HPCAL1: variants seen among roughly 807,000 people sequenced by gnomAD.
The protein encoded by HPCAL1 is hippocalcin like 1.
A neutral mutation model predicts 17.1 loss-of-function variants in HPCAL1; 8 were observed. The ratio of observed to expected loss-of-function variants is 0.47; its 90% confidence interval spans 0.27 to 0.84. The LOEUF is 0.84. Ranked by LOEUF, HPCAL1 falls within the 40% of genes least tolerant of loss-of-function variation. The pLI, the probability that HPCAL1 is intolerant of heterozygous loss-of-function variation, is 0.13. For missense variants in HPCAL1, 165 were observed against 271.1 expected (o/e 0.61, Z 2.75); for synonymous variants, 112 against 111.4 (o/e 1.01, Z -0.03).
chr2:10,368,195 G>A (rs572960124), intron 1 of HPCAL1, among the ~76,000 whole-genome samples: 2 of 151,810 alleles, frequency 1.3e-5, no homozygotes, highest in Non-Finnish European at 2.9e-5. Flanking sequence ...GCATGTGTGT[G>A]CATACGTGTG....
At chr2:10,404,636 G>A (rs1669863642) in intron 2 of HPCAL1, among the ~76,000 whole-genome samples, 1 of 152,142 alleles carries the variant, frequency 6.6e-6, no homozygotes, top group African/African-American at 2.4e-5. Context: ...CAGATCCCGG[G>A]CTCCTTTGCT....
Position 10,427,143 on chromosome 2 carries a change from C to T in HPCAL1, c.*322C>T, listed in dbSNP as rs1671468797. Reference sequence around the variant, plus strand: ...CCATGCCGAGGAGACCAGGCAGGACCTCCCGAGGCTGCGCCCCGGCCGGCC... The same window carrying T: ...CCATGCCGAGGAGACCAGGCAGGACTTCCCGAGGCTGCGCCCCGGCCGGCC... On this transcript the variant is annotated 3_prime_UTR_variant, in exon 5 of 5. Coordinates refer to ENST00000307845, the MANE Select transcript of HPCAL1 (RefSeq NM_002149.4). The T allele has an allele frequency of 3.3e-6, 1 of 300,284 alleles. No homozygotes were observed. The highest frequency in any genetic ancestry group is 2.2e-5 in the African/African-American group (1 of 46,304). 18.6% of individuals were successfully genotyped at this position (300,284 alleles called of 1,614,324 possible).
At chr2:10,313,897 C>G (rs1408207261) in intron 1 of HPCAL1, among the ~76,000 whole-genome samples, 1 of 152,172 alleles carries the variant, frequency 6.6e-6, no homozygotes, top group African/African-American at 2.4e-5. Flanking sequence ...CTTTGGGAGG[C>G]TGAGGCGGGC....
intron 2 of HPCAL1, among the ~76,000 whole-genome samples, chr2:10,406,627 G>C (rs1186559242): frequency 1.3e-5 from 2 of 152,344 alleles, no homozygotes; most frequent in East Asian, 3.9e-4. Flanking sequence ...GGAAGTCCCA[G>C]GCTCTGTGGC....
intron 1 of HPCAL1, among the ~76,000 whole-genome samples, chr2:10,349,456 G>C (rs6729667): frequency 0.85 from 128,639 of 151,556 alleles, 55,043 homozygotes; most frequent in East Asian, 1. Flanking sequence ...ACCTGTAATC[G>C]CAGCACTTTG....
chr2:10,334,101 G>A (rs1166734833), intron 1 of HPCAL1, among the ~76,000 whole-genome samples: 1 of 152,224 alleles, frequency 6.6e-6, no homozygotes, highest in Non-Finnish European at 1.5e-5. Context: ...GCGGAGGGAA[G>A]TAGGGATCAT....
At chr2:10,303,331 G>A (rs1210768085) in intron 1 of HPCAL1, among the ~76,000 whole-genome samples, 154 bp downstream of exon 1, 1 of 152,216 alleles carries the variant, frequency 6.6e-6, no homozygotes, top group Non-Finnish European at 1.5e-5. Context: ...TTCTCTGCGC[G>A]GTGGAGTTGT....
At chr2:10,378,866 A>G (rs1402843892) in intron 1 of HPCAL1, among the ~76,000 whole-genome samples, 3 of 152,170 alleles carry the variant, frequency 2.0e-5, no homozygotes, top group Non-Finnish European at 4.4e-5. Flanking sequence ...GCATAATCCT[A>G]CAATTCAGAG....
intron 1 of HPCAL1, among the ~76,000 whole-genome samples, chr2:10,355,837 A>T (rs1364381658): frequency 1.3e-5 from 2 of 151,598 alleles, no homozygotes; most frequent in African/African-American, 2.4e-5. Flanking sequence ...TGAGTAGGGG[A>T]CGCACAGGGC....
At chr2:10,396,517 A>T (rs903614131) in intron 1 of HPCAL1, among the ~76,000 whole-genome samples, 2 of 152,212 alleles carry the variant, frequency 1.3e-5, no homozygotes, top group African/African-American at 4.8e-5. Context: ...TGGACCACAG[A>T]GGTCCCGGCC....
chr2:10,305,330 C>T (rs1229590728), intron 1 of HPCAL1, among the ~76,000 whole-genome samples: 1 of 152,108 alleles, frequency 6.6e-6, no homozygotes, highest in Non-Finnish European at 1.5e-5. Context: ...AAAGCCAGCC[C>T]TTTGTCTCAA....
intron 1 of HPCAL1, among the ~76,000 whole-genome samples, chr2:10,366,898 T>A (rs952853108): frequency 1.3e-5 from 2 of 152,148 alleles, no homozygotes; most frequent in Admixed American, 6.5e-5. Context: ...TCTGAGTGTG[T>A]CTCATACAGT....
chr2:10,370,817 G>T lies in HPCAL1; in HGVS notation c.-110-26018G>T, dbSNP rs550037153. Among the ~76,000 whole-genome samples the T allele has an allele frequency of 4.6e-5, 7 of 152,324 alleles. No individual in the cohort carries two copies. The South Asian group carries it at 1.4e-3, about 32-fold the overall frequency. On this transcript the variant is annotated intron_variant, in intron 1 of 4. Coordinates refer to ENST00000307845, the MANE Select transcript of HPCAL1 (RefSeq NM_002149.4). ...AGCAACAGCGTTCTGGGAGGACGTG[G>T]GCTCAAATTCCAACTTTTCTACCAG...
In HPCAL1 at chr2:10,423,611, A is replaced by C. The variant is rs138935099; in HGVS notation, c.484+523A>C. ...AGACTCAGCCCCACTGCAGAAGTGC[A>C]AGTCTCACGATGGTGGGTGGCAGCA... On this transcript the variant is annotated intron_variant, in intron 4 of 4. Coordinates refer to ENST00000307845, the MANE Select transcript of HPCAL1 (RefSeq NM_002149.4). 6.4e-3 allele frequency: 996 copies of C among 156,428 alleles called. 6 individuals are homozygous for C. The highest frequency in any genetic ancestry group is 0.011 in the Admixed American group (173 of 16,100). The allele number at this position is 156,428 out of a possible 1,614,324, so 9.7% of individuals were successfully genotyped here. A position where few individuals can be genotyped will look rare whatever the true frequency, so the allele number is the denominator to read the frequency against.
intron 2 of HPCAL1, among the ~76,000 whole-genome samples, chr2:10,409,440 G>T (rs1342704536): frequency 2.0e-5 from 3 of 152,162 alleles, no homozygotes; most frequent in Admixed American, 6.5e-5. Context: ...GAGAACTACC[G>T]GGAAGCTAAG....
Position 10,388,016 on chromosome 2 carries a change from C to A in HPCAL1, c.-110-8819C>A, listed in dbSNP as rs531493323. The stretch of plus-strand genomic sequence containing the variant: ...AGGCCTGGATGCTTTTTCTTCCCTG[C>A]ACTCGCAGGCCCCCCATGGGACCCT... On this transcript the variant is annotated intron_variant, in intron 1 of 4. Transcript: ENST00000307845. Among the ~76,000 whole-genome samples, 30 of 152,278 alleles carry A rather than the reference C, an allele frequency of 2.0e-4. 1 individual carries two copies. The South Asian group carries it at 5.0e-3, about 25-fold the overall frequency.
At chr2:10,382,158 T>C (rs998957633) in intron 1 of HPCAL1, among the ~76,000 whole-genome samples, 6 of 152,114 alleles carry the variant, frequency 3.9e-5, no homozygotes, top group Non-Finnish European at 8.8e-5. Flanking sequence ...CATCTGCATA[T>C]GAGTAGGTGA....
At chr2:10,397,161 G>T (rs562739294) in intron 2 of HPCAL1, among the ~76,000 whole-genome samples, 17 of 152,176 alleles carry the variant, frequency 1.1e-4, no homozygotes, top group Non-Finnish European at 1.0e-4. Flanking sequence ...CTCAGCTCTC[G>T]CCCTAAGCTG....
intron 1 of HPCAL1, among the ~76,000 whole-genome samples, chr2:10,312,804 C>T (rs1198722640): frequency 6.6e-6 from 1 of 151,320 alleles, no homozygotes; most frequent in Non-Finnish European, 1.5e-5. Context: ...ACCATCGTCA[C>T]CATCACCGTC....
Sources: gnomAD v4.1 joint callset for allele counts (sites outside exome capture counted in the v4.1 genomes callset) on GRCh38, gnomAD v4.1.1 for gene constraint, MANE v1.5 for transcripts, NCBI Gene and HGNC (gene_info 2026-07-23, HGNC 2026-07-21) for gene names.